Variants in ABCG2 observed in about 807,000 individuals in gnomAD.
ABCG2 encodes broad substrate specificity ATP-binding cassette transporter ABCG2.
ABCG2 carries 80 observed loss-of-function variants against 73.5 expected under a neutral mutation model. The ratio of observed to expected loss-of-function variants is 1.09; its 90% CI spans 0.91 to 1.31. ABCG2 has a LOEUF of 1.31. ABCG2 is among the 50% of genes most tolerant of loss of function. ABCG2 has a pLI of 0.00. For missense variants in ABCG2, 796 were observed against 786.2 expected, an observed-to-expected ratio of 1.01 and a Z score of -0.15; for synonymous variants, 269 against 282.4, an observed-to-expected ratio of 0.95 and a Z score of 0.48.
chr4:88,222,114 G>A (rs1466679810), intron 1 of ABCG2, among the ~76,000 whole-genome samples: 2 of 152,204 alleles, frequency 1.3e-5, no homozygotes, highest in African/African-American at 2.4e-5. Context: ...AGGGGCCAAC[G>A]TATAGCTCAG....
intron 10 of ABCG2, among the ~76,000 whole-genome samples, chr4:88,104,424 C>T (rs1472797154): frequency 6.6e-6 from 1 of 152,168 alleles, no homozygotes; most frequent in Admixed American, 6.6e-5. Context: ...AATCACTAAT[C>T]ATCCCAGGAG....
At chr4:88,186,097 A>C (rs1728444364) in intron 1 of ABCG2, among the ~76,000 whole-genome samples, 1 of 152,200 alleles carries the variant, frequency 6.6e-6, no homozygotes, top group Non-Finnish European at 1.5e-5. Context: ...AATAACCAAG[A>C]TTTAGAAACA....
intron 9 of ABCG2, among the ~76,000 whole-genome samples, chr4:88,109,382 TTAAGA>T (rs1722979873): frequency 6.6e-6 from 1 of 152,226 alleles, no homozygotes; most frequent in South Asian, 2.1e-4. Flanking sequence ...AGTATTATGA[TTAAGA>T]TGTTTCCTAA....
At chr4:88,126,829 G>A (rs1488808622) in intron 5 of ABCG2, among the ~76,000 whole-genome samples, 1 of 152,140 alleles carries the variant, frequency 6.6e-6, no homozygotes, top group African/African-American at 2.4e-5. Flanking sequence ...CATACTGAAT[G>A]GGCAAAAGCT....
intron 12 of ABCG2, among the ~76,000 whole-genome samples, 164 bp from the exon 13 acceptor site, chr4:88,097,771 T>C (rs45469894): frequency 0.017 from 2,564 of 152,342 alleles, 59 homozygotes; most frequent in African/African-American, 0.055. Context: ...GTTGTGTCTG[T>C]CCATGTAACT....
intron 1 of ABCG2, among the ~76,000 whole-genome samples, chr4:88,224,538 C>A (rs1451473357): frequency 2.0e-5 from 3 of 151,924 alleles, no homozygotes; most frequent in African/African-American, 7.3e-5. Flanking sequence ...GTTGCCCAGG[C>A]TGGAATGCAG....
At chr4:88,107,871 C>T (rs1458513153) in intron 9 of ABCG2, among the ~76,000 whole-genome samples, 2 of 152,182 alleles carry the variant, frequency 1.3e-5, no homozygotes, top group Non-Finnish European at 2.9e-5. Flanking sequence ...GAGTCCATGC[C>T]TGCACTGGAA....
chr4:88,198,393 G>A (rs903651396), intron 1 of ABCG2, among the ~76,000 whole-genome samples: 1 of 152,036 alleles, frequency 6.6e-6, no homozygotes, highest in Non-Finnish European at 1.5e-5. Context: ...AGCACTTTGG[G>A]GGACCCAGGC....
At chr4:88,149,759 G>A (rs1726323703) in intron 1 of ABCG2, among the ~76,000 whole-genome samples, 1 of 152,212 alleles carries the variant, frequency 6.6e-6, no homozygotes, top group African/African-American at 2.4e-5. Flanking sequence ...GCTGAGGCAG[G>A]AGAACTGCTT....
intron 2 of ABCG2, among the ~76,000 whole-genome samples, chr4:88,136,591 A>G (rs1725257930): frequency 6.6e-6 from 1 of 152,198 alleles, no homozygotes; most frequent in African/African-American, 2.4e-5. Flanking sequence ...CGGTGGTCCC[A>G]GCTACTCAGG....
chr4:88,103,951 C>T (rs371402062), intron 10 of ABCG2, among the ~76,000 whole-genome samples: 2 of 152,322 alleles, frequency 1.3e-5, no homozygotes, highest in East Asian at 1.9e-4. Flanking sequence ...TTTATCAAAT[C>T]AGACCCTTCG....
intron 1 of ABCG2, among the ~76,000 whole-genome samples, chr4:88,196,522 T>G (rs952647127): frequency 6.6e-6 from 1 of 152,192 alleles, no homozygotes; most frequent in Non-Finnish European, 1.5e-5. Context: ...CATTATTTGA[T>G]GCAAAAGCTG....
intron 1 of ABCG2, among the ~76,000 whole-genome samples, chr4:88,195,732 G>A (rs574498164): frequency 2.0e-5 from 3 of 152,278 alleles, no homozygotes; most frequent in East Asian, 1.9e-4. Context: ...GCATACTTCC[G>A]GGGTCTTATG....
chr4:88,206,665 T>A (rs1359610093), intron 1 of ABCG2: 1 of 152,220 alleles, frequency 6.6e-6, no homozygotes, highest in Non-Finnish European at 1.5e-5. Context: ...CGTTGTCATA[T>A]TTTTAAATCC....
At chr4:88,229,379 C>T (rs1057070382) in intron 1 of ABCG2, among the ~76,000 whole-genome samples, 1 of 152,164 alleles carries the variant, frequency 6.6e-6, no homozygotes, top group Non-Finnish European at 1.5e-5. Context: ...TGGCTCACAC[C>T]TGTAATCCCA....
intron 2 of ABCG2, among the ~76,000 whole-genome samples, chr4:88,132,934 T>G (rs1725004369): frequency 6.6e-6 from 1 of 152,108 alleles, no homozygotes; most frequent in Non-Finnish European, 1.5e-5. Flanking sequence ...GATTGTTGAT[T>G]TGATGTGTAA....
At chr4:88,192,730 T>A (rs1161935609) in intron 1 of ABCG2, among the ~76,000 whole-genome samples, 3 of 143,108 alleles carry the variant, frequency 2.1e-5, no homozygotes, top group African/African-American at 5.2e-5. Context: ...TTTTTTTTTT[T>A]AAACGGAGTC....
chr4:88,193,737 T>C (rs929103220), intron 1 of ABCG2, among the ~76,000 whole-genome samples: 1 of 152,142 alleles, frequency 6.6e-6, no homozygotes, highest in African/African-American at 2.4e-5. Flanking sequence ...AAGGTTTGAA[T>C]TTTTTATTTT....
At chr4:88,183,559 T>C (rs779469063) in intron 1 of ABCG2, among the ~76,000 whole-genome samples, 22 of 152,126 alleles carry the variant, frequency 1.4e-4, no homozygotes, top group Non-Finnish European at 2.6e-4. Flanking sequence ...AGTAACAAGA[T>C]TGAAGCCATA....
Sources: gnomAD v4.1 joint callset for allele counts (sites outside exome capture counted in the v4.1 genomes callset) on GRCh38, gnomAD v4.1.1 for gene constraint, MANE v1.5 for transcripts, NCBI Gene and HGNC (gene_info 2026-07-23, HGNC 2026-07-21) for gene names.